SLC23A2: variants seen among roughly 807,000 people sequenced by gnomAD.
SLC23A2 encodes the protein solute carrier family 23 member 2.
Under a neutral mutation model 73.3 loss-of-function variants are expected in SLC23A2, and 36 were observed. The ratio of observed to expected loss-of-function variants is 0.49; its 90% confidence interval spans 0.38 to 0.65. The LOEUF (loss-of-function observed/expected upper bound fraction) is 0.65, where lower values mean the gene tolerates loss of function less well. Ranked by LOEUF, SLC23A2 falls within the 30% of genes least tolerant of loss-of-function variation. The pLI, the probability that SLC23A2 is intolerant of heterozygous loss-of-function variation, is 0.00. For synonymous variants in SLC23A2, 343 were observed against 327.3 expected (o/e 1.05, Z -0.52); for missense variants, 507 against 841.6 (o/e 0.60, Z 4.92).
In SLC23A2 at chr20:4,985,135, C is replaced by CAAAA. The variant is rs1464396367; in HGVS notation, c.-281-14217_-281-14216insTTTT. Among the ~76,000 whole-genome samples the CAAAA allele has an allele frequency of 1.1e-4, 7 of 65,424 alleles. No individual in the cohort carries two copies. The South Asian group carries it at 3.0e-3, about 28-fold the overall frequency. 42.9% of individuals were successfully genotyped at this position (65,424 alleles called of 152,430 possible). A position where few individuals can be genotyped will look rare whatever the true frequency, so the allele number is the denominator to read the frequency against. On this transcript the variant is annotated intron_variant, in intron 1 of 16. Coordinates refer to ENST00000338244, the MANE Select transcript of SLC23A2 (RefSeq NM_005116.6). ...CTGGTGACAGAGCAAGACTCCGTCTCCAAAAAAAAAAAAAAAAAAAGTTAA... is the reference window on the plus strand; with the variant it reads ...CTGGTGACAGAGCAAGACTCCGTCTCAAAACAAAAAAAAAAAAAAAAAAAGTTAA...
chr20:4,878,532 A>G (rs908530100), intron 9 of SLC23A2, among the ~76,000 whole-genome samples: 3 of 152,148 alleles, frequency 2.0e-5, no homozygotes, highest in African/African-American at 7.2e-5. Flanking sequence ...GTCAATAGTA[A>G]AATCTATCTT....
chr20:4,941,216 A>C (rs1319009474), intron 2 of SLC23A2, among the ~76,000 whole-genome samples: 4 of 151,830 alleles, frequency 2.6e-5, no homozygotes. Flanking sequence ...GCTGGACCAC[A>C]CTGTGCCTAT....
intron 2 of SLC23A2, among the ~76,000 whole-genome samples, chr20:4,938,340 T>C (rs2086992626): frequency 1.3e-5 from 2 of 150,152 alleles, no homozygotes; most frequent in South Asian, 2.1e-4. Flanking sequence ...CCATCTTTTT[T>C]TTTTTTTTTT....
chr20:4,961,275 G>A (rs1044930567), intron 2 of SLC23A2, among the ~76,000 whole-genome samples: 3 of 151,904 alleles, frequency 2.0e-5, no homozygotes, highest in Admixed American at 1.3e-4. Context: ...TAGAGACGGG[G>A]TTTCACCTTG....
chr20:5,002,910 T>G (rs1223961141), upstream of SLC23A2, among the ~76,000 whole-genome samples: 1 of 152,112 alleles, frequency 6.6e-6, no homozygotes, highest in Non-Finnish European at 1.5e-5. Context: ...GTTTTATGCG[T>G]CACGGGCGCC....
At chr20:4,977,808 G>A (rs2087667913) in intron 1 of SLC23A2, among the ~76,000 whole-genome samples, 1 of 152,048 alleles carries the variant, frequency 6.6e-6, no homozygotes, top group Admixed American at 6.6e-5. Flanking sequence ...CTAAGTGCTA[G>A]GATTACAGGT....
chr20:4,916,696 T>C (rs1932333892), intron 3 of SLC23A2, among the ~76,000 whole-genome samples: 1 of 152,170 alleles, frequency 6.6e-6, no homozygotes, highest in Admixed American at 6.5e-5. Flanking sequence ...TGGTTAAACT[T>C]AGGATTTTTT....
chr20:4,935,098 A>G (rs576314913), intron 2 of SLC23A2, among the ~76,000 whole-genome samples: 16 of 149,332 alleles, frequency 1.1e-4, no homozygotes, highest in African/African-American at 3.9e-4. Flanking sequence ...GAGGCAGGAG[A>G]ATGGCGTGAA....
intron 1 of SLC23A2, among the ~76,000 whole-genome samples, chr20:4,983,818 T>C (rs370282933): frequency 4.0e-5 from 6 of 151,010 alleles, no homozygotes; most frequent in African/African-American, 1.2e-4. Flanking sequence ...TAGCCAGGCG[T>C]GGTGGTGCAT....
chr20:4,943,976 G>GT (rs2122968431), intron 2 of SLC23A2, among the ~76,000 whole-genome samples: 1 of 152,282 alleles, frequency 6.6e-6, no homozygotes, highest in African/African-American at 2.4e-5. Flanking sequence ...GCGGAGAGTG[G>GT]TTACCTAGGG....
intron 3 of SLC23A2, among the ~76,000 whole-genome samples, chr20:4,916,905 G>T (rs1332705578): frequency 6.6e-6 from 1 of 152,194 alleles, no homozygotes. Flanking sequence ...GGTAGGCGGG[G>T]TTAAGCTATG....
intron 4 of SLC23A2, among the ~76,000 whole-genome samples, chr20:4,906,269 G>A (rs1931950227): frequency 6.6e-6 from 1 of 152,098 alleles, no homozygotes; most frequent in Non-Finnish European, 1.5e-5. Context: ...AGCCTGAGAG[G>A]TTGCGGCTGC....
Position 4,996,269 on chromosome 20 carries a change from G to A in SLC23A2, c.-282+5137C>T, listed in dbSNP as rs146340919. Among the ~76,000 whole-genome samples the A allele has an allele frequency of 4.3e-4, 65 of 152,174 alleles. 1 individual carries two copies. Among genetic ancestry groups the A allele is most frequent in the Non-Finnish European group, 1.9e-4 (13 of 68,004 alleles). On this transcript the variant is annotated intron_variant, in intron 1 of 16. Transcript: ENST00000338244. ...CTTCCATTCAACTTAGAAGATAGAG[G>A]GATTCATCTCTGTAAGAGTTACACA...
At chr20:4,976,353 G>T (rs1018186902) in intron 1 of SLC23A2, among the ~76,000 whole-genome samples, 1 of 151,772 alleles carries the variant, frequency 6.6e-6, no homozygotes, top group African/African-American at 2.4e-5. Context: ...GTATCTTTTT[G>T]CAATTTCTTC....
chr20:4,955,125 T>G (rs776645037), intron 2 of SLC23A2, among the ~76,000 whole-genome samples: 1 of 151,960 alleles, frequency 6.6e-6, no homozygotes, highest in Non-Finnish European at 1.5e-5. Context: ...TGGTGGTGCA[T>G]GCCTGTGGTC....
intron 1 of SLC23A2, among the ~76,000 whole-genome samples, chr20:4,987,647 G>C (rs2087853210): frequency 6.6e-6 from 1 of 151,842 alleles, no homozygotes; most frequent in Non-Finnish European, 1.5e-5. Context: ...AGGAGATTGA[G>C]ACCATCCTGG....
intron 1 of SLC23A2, among the ~76,000 whole-genome samples, chr20:4,981,720 C>T (rs1175720123): frequency 2.4e-5 from 3 of 123,528 alleles, no homozygotes; most frequent in African/African-American, 9.0e-5. Context: ...CTTTATCTTT[C>T]AGATGGAATC....
chr20:4,990,199 AC>A (rs34148722), intron 1 of SLC23A2, among the ~76,000 whole-genome samples: 1 of 152,118 alleles, frequency 6.6e-6, no homozygotes, highest in African/African-American at 2.4e-5. Flanking sequence ...AACTAGCATT[AC>A]CTACCCTGAC....
At chr20:4,987,716 C>T (rs1251600565) in intron 1 of SLC23A2, among the ~76,000 whole-genome samples, 1 of 151,824 alleles carries the variant, frequency 6.6e-6, no homozygotes, top group East Asian at 1.9e-4. Flanking sequence ...GGCGTGGTAG[C>T]GGGCGCCTGT....
Sources: gnomAD v4.1 joint callset for allele counts (sites outside exome capture counted in the v4.1 genomes callset) on GRCh38, gnomAD v4.1.1 for gene constraint, MANE v1.5 for transcripts, NCBI Gene and HGNC (gene_info 2026-07-23, HGNC 2026-07-21) for gene names.